Variants in ZNF26 observed in about 807,000 individuals in gnomAD.
ZNF26 encodes the protein epididymis luminal protein 179.
ZNF26 carries 32 observed loss-of-function variants against 54.9 expected under a neutral mutation model. The ratio of observed to expected loss-of-function variants is 0.58; its 90% confidence interval spans 0.44 to 0.78. ZNF26 has a LOEUF of 0.78. Ranked by LOEUF, ZNF26 falls within the 30% of genes least tolerant of loss-of-function variation. ZNF26 has a pLI of 0.00. For missense variants in ZNF26, 524 were observed against 634.0 expected, an observed-to-expected ratio of 0.83 and a Z score of 1.86; for synonymous variants, 221 against 209.2, an observed-to-expected ratio of 1.06 and a Z score of -0.49.
At chr12:133,002,739 T>G (rs1284847041) in intron 1 of ZNF26, among the ~76,000 whole-genome samples, 10 of 152,108 alleles carry the variant, frequency 6.6e-5, no homozygotes, top group Non-Finnish European at 1.5e-4. Flanking sequence ...TTCTCCTGTC[T>G]CAGCCTCCTG....
Position 133,020,432 on chromosome 12 carries a change from A to G in ZNF26, c.*8951A>G, listed in dbSNP as rs1953625046. ...CTGAACTGTACACTTAAAAATGGTA[A>G]TGATGATAATATTTATAATATATTT... On this transcript the variant is annotated 3_prime_UTR_variant, in exon 4 of 4. Transcript: ENST00000328654. The G allele has an allele frequency of 6.6e-6, 1 of 151,798 alleles. No homozygotes were observed. The highest frequency in any genetic ancestry group is 1.5e-5 in the Non-Finnish European group (1 of 67,976). The allele number at this position is 151,798 out of a possible 1,614,324, so 9.4% of individuals were successfully genotyped here. A position where few individuals can be genotyped will look rare whatever the true frequency, so the allele number is the denominator to read the frequency against.
intron 1 of ZNF26, among the ~76,000 whole-genome samples, chr12:132,992,510 G>A (rs1210691815): frequency 3.9e-5 from 6 of 152,050 alleles, no homozygotes; most frequent in Admixed American, 6.6e-5. Context: ...TTTGGTGTCT[G>A]ACATTACTTC....
Position 132,986,559 on chromosome 12 carries a change from G to A in ZNF26, c.-282G>A. The A allele has an allele frequency of 1.8e-6, 1 of 542,510 alleles. No homozygotes were observed. Among genetic ancestry groups the A allele is most frequent in the South Asian group, 2.3e-5 (1 of 42,942 alleles). The allele number at this position is 542,510 out of a possible 1,614,324, so 33.6% of individuals were successfully genotyped here. On this transcript the variant is annotated 5_prime_UTR_variant, in exon 1 of 4. Transcript: ENST00000328654. ...ACTTCCGTCGGTCCGGGGCGTGGAC[G>A]GGGCCAGATCAGCCTCCTGCTCTCC... is the stretch of plus-strand genomic sequence containing the variant.
chr12:133,007,218 TC>T, intron 2 of ZNF26, 50 bp downstream of exon 2: 1 of 1,597,276 alleles, frequency 6.3e-7, no homozygotes, highest in East Asian at 2.2e-5. Context: ...TAAATTGCCA[TC>T]CCTTTTTTTG....
In ZNF26 at chr12:133,018,693, G is replaced by A. The variant is rs1405443715; in HGVS notation, c.*7212G>A. ...GTCTTGCTCTATTGCCCAGGCTGGA[G>A]TGCAGTTGCATGATCATAGCTCACT... On this transcript the variant is annotated 3_prime_UTR_variant, in exon 4 of 4. Coordinates refer to ENST00000328654, the MANE Select transcript of ZNF26 (RefSeq NM_019591.4). 1 of 152,110 alleles carries A rather than the reference G, an allele frequency of 6.6e-6. No individual in the cohort carries two copies. The highest frequency in any genetic ancestry group is 1.5e-5 in the Non-Finnish European group (1 of 68,016). The allele number at this position is 152,110 out of a possible 1,614,324, so 9.4% of individuals were successfully genotyped here.
chr12:132,997,258 A>G (rs2137228258), intron 1 of ZNF26, among the ~76,000 whole-genome samples: 1 of 152,222 alleles, frequency 6.6e-6, no homozygotes, highest in East Asian at 1.9e-4. Flanking sequence ...GGGGTTAATC[A>G]GAAGCTCACA....
rs1953439206 is a variant in ZNF26, at chr12:133,010,259, T to A, written c.380T>A (p.Leu127His). The part of the protein sequence containing the change: ...SKTHDSSRQR[L>H]YNTRGKSLTQ... The stretch of plus-strand genomic sequence containing the variant: ...ACCCATGATTCTTCAAGACAGAGAC[T>A]CTATAACACACGTGGAAAAAGTTTG... The change falls in exon 4 of 4, where the codon CTC becomes CAC. Residue 127 changes from leucine (L) to histidine (H), a missense_variant. Physicochemically the swap from Leu to His is moderately conservative, Grantham distance 99. Coordinates refer to ENST00000328654, the MANE Select transcript of ZNF26 (RefSeq NM_019591.4). 6.2e-7 allele frequency: 1 copy of A among 1,614,040 alleles called. No individual in the cohort carries two copies. Among genetic ancestry groups the A allele is most frequent in the African/African-American group, 1.3e-5 (1 of 74,994 alleles).
In ZNF26 at chr12:133,007,484, G is replaced by T. The variant is rs1953356755; in HGVS notation, c.208G>T (p.Glu70Ter). 6.2e-7 allele frequency: 1 copy of T among 1,613,996 alleles called. No individual in the cohort carries two copies. Among genetic ancestry groups the T allele is most frequent in the Non-Finnish European group, 8.5e-7 (1 of 1,179,942 alleles). ...PDLIFKLEQG[E>*]DPWIINAKIS... is the part of the protein sequence containing the mutation. ...CTTAATCTTCAAGTTGGAACAAGGAGAAGATCCATGGATAATAAATGCCAA... is the reference window on the plus strand; with the variant it reads ...CTTAATCTTCAAGTTGGAACAAGGATAAGATCCATGGATAATAAATGCCAA... Residue 70 changes from glutamate (E) to a stop codon, truncating the protein, a stop_gained, in exon 3 of 4, where the codon GAA becomes TAA. Transcript: ENST00000328654. LOFTEE classifies it high-confidence loss of function.
In ZNF26 at chr12:133,018,985, A is replaced by G. The variant is rs1241421751; in HGVS notation, c.*7504A>G. 6.6e-6 allele frequency: 1 copy of G among 152,224 alleles called. No homozygotes were observed. The highest frequency in any genetic ancestry group is 2.4e-5 in the African/African-American group (1 of 41,466). The allele number at this position is 152,224 out of a possible 1,614,324, so 9.4% of individuals were successfully genotyped here. ...AAAAATCCAACCATGTACAGAAGAC[A>G]TACATACATACTCAAAGATACAATT... On this transcript the variant is annotated 3_prime_UTR_variant, in exon 4 of 4. Coordinates refer to ENST00000328654, the MANE Select transcript of ZNF26 (RefSeq NM_019591.4).
chr12:133,019,026 GA>G lies in ZNF26; in HGVS notation c.*7546del, dbSNP rs1953603622. 1 of 152,124 alleles carries G rather than the reference GA, an allele frequency of 6.6e-6. No individual in the cohort carries two copies. The highest frequency in any genetic ancestry group is 1.5e-5 in the Non-Finnish European group (1 of 68,030). The allele number at this position is 152,124 out of a possible 1,614,324, so 9.4% of individuals were successfully genotyped here. ...AGATACAATTGGATTAGAAGTAAAGGATGGAAAAAGATATAAAACGCAAACA... is the reference window on the plus strand; with the variant it reads ...AGATACAATTGGATTAGAAGTAAAGGTGGAAAAAGATATAAAACGCAAACA... On this transcript the variant is annotated 3_prime_UTR_variant, in exon 4 of 4. Transcript: ENST00000328654.
In ZNF26 at chr12:132,996,897, G is replaced by A. The variant is rs1173047313; in HGVS notation, c.33+10024G>A. Among the ~76,000 whole-genome samples, 4 of 98,362 alleles carry A rather than the reference G, an allele frequency of 4.1e-5. No homozygotes were observed. The East Asian group carries it at 1.0e-3, about 25-fold the overall frequency. 64.5% of individuals were successfully genotyped at this position (98,362 alleles called of 152,430 possible). The stretch of plus-strand genomic sequence containing the variant: ...TTCTTACTGGTTCTCATGGTTTTTT[G>A]TTTTGTTTTGTTTTGTTTTGTTTTC... On this transcript the variant is annotated intron_variant, in intron 1 of 3. Coordinates refer to ENST00000328654, the MANE Select transcript of ZNF26 (RefSeq NM_019591.4).
intron 1 of ZNF26, among the ~76,000 whole-genome samples, chr12:133,003,169 C>T (rs1362506523): frequency 2.0e-5 from 3 of 151,832 alleles, no homozygotes; most frequent in South Asian, 2.1e-4. Context: ...CTTTTGCTCA[C>T]GGAAGTCAGT....
Position 133,011,186 on chromosome 12 carries a change from G to T in ZNF26, c.1307G>T (p.Cys436Phe). 3 of 1,614,170 alleles carry T rather than the reference G, an allele frequency of 1.9e-6. No homozygotes were observed. The highest frequency in any genetic ancestry group is 2.5e-6 in the Non-Finnish European group (3 of 1,180,040). Residue 436 changes from cysteine to phenylalanine, a missense_variant, in exon 4 of 4, where the codon TGT becomes TTT. Coordinates refer to ENST00000328654, the MANE Select transcript of ZNF26 (RefSeq NM_019591.4). Reference sequence around the variant, plus strand: ...TGTAGTTTGTGTGAGAGAGCCTTTTGTGGAAAATCACAGCTGATTATACAT... The same window carrying T: ...TGTAGTTTGTGTGAGAGAGCCTTTTTTGGAAAATCACAGCTGATTATACAT... The part of the protein sequence containing the change: ...YECSLCERAF[C>F]GKSQLIIHQR...
At chr12:133,008,074 G>A (rs1009979219) in intron 3 of ZNF26, among the ~76,000 whole-genome samples, 7 of 152,050 alleles carry the variant, frequency 4.6e-5, no homozygotes, top group Non-Finnish European at 8.8e-5. Flanking sequence ...TGTAACTGTC[G>A]AAAGGCTCTT....
At chr12:132,986,953 A>G (rs1952835558) in intron 1 of ZNF26, 80 bp downstream of exon 1, 1 of 1,451,156 alleles carries the variant, frequency 6.9e-7, no homozygotes, top group Admixed American at 2.0e-5. Flanking sequence ...TTACTCCGGG[A>G]ACTGAACTCA....
At chr12:133,009,694 G>T (rs1201574710) in intron 3 of ZNF26, among the ~76,000 whole-genome samples, 1 of 151,966 alleles carries the variant, frequency 6.6e-6, no homozygotes, top group Non-Finnish European at 1.5e-5. Flanking sequence ...TAGCTTTCCT[G>T]GCCTTTTTCT....
Position 133,010,615 on chromosome 12 carries a change from A to G in ZNF26, c.736A>G (p.Ile246Val), listed in dbSNP as rs1018603930. ...EKVFSFRSQL[I>V]VHQEIHTGGK... ...GGTCTTCTCTTTCAGGTCACAGCTC[A>G]TTGTCCATCAGGAAATTCACACAGG... Residue 246 changes from isoleucine (I) to valine (V), a missense_variant, in exon 4 of 4, where the codon ATT (isoleucine) becomes GTT (valine). Physicochemically the swap from Ile to Val is conservative, Grantham distance 29. Coordinates refer to ENST00000328654, the MANE Select transcript of ZNF26 (RefSeq NM_019591.4). 4.5e-5 allele frequency: 73 copies of G among 1,614,030 alleles called. No homozygotes were observed. The highest frequency in any genetic ancestry group is 5.6e-5 in the Non-Finnish European group (66 of 1,180,030).
chr12:133,000,912 G>A (rs1270646084), intron 1 of ZNF26, among the ~76,000 whole-genome samples: 3 of 152,016 alleles, frequency 2.0e-5, no homozygotes, highest in African/African-American at 4.8e-5. Flanking sequence ...AAATAAAATA[G>A]ACAATAAGCC....
rs1953709726 is a variant in ZNF26 at position 133,026,664 on chromosome 12, T to A, written c.*15183T>A. 1 of 151,868 alleles carries A rather than the reference T, an allele frequency of 6.6e-6. No individual in the cohort carries two copies. Among genetic ancestry groups the A allele is most frequent in the Non-Finnish European group, 1.5e-5 (1 of 67,996 alleles). The allele number at this position is 151,868 out of a possible 1,614,324, so 9.4% of individuals were successfully genotyped here. ...GCCTCAGCCTCCCAAGTAGCTGAGATTACGGGCACCTGCCACCACGCCTGG... is the reference window on the plus strand; with the variant it reads ...GCCTCAGCCTCCCAAGTAGCTGAGAATACGGGCACCTGCCACCACGCCTGG... On this transcript the variant is annotated 3_prime_UTR_variant, in exon 4 of 4. Transcript: ENST00000328654.
Sources: gnomAD v4.1 joint callset for allele counts (sites outside exome capture counted in the v4.1 genomes callset) on GRCh38, gnomAD v4.1.1 for gene constraint, MANE v1.5 for transcripts, NCBI Gene and HGNC (gene_info 2026-07-23, HGNC 2026-07-21) for gene names.